Variants in GGA3 observed in about 807,000 individuals in gnomAD.
The protein encoded by GGA3 is ADP-ribosylation factor-binding protein GGA3.
GGA3 carries 57 observed loss-of-function variants against 77.5 expected under a neutral mutation model. The observed-to-expected ratio is 0.74, with a 90% CI of 0.59 to 0.92. GGA3 has a LOEUF of 0.92. GGA3 is among the 40% of genes least tolerant of loss of function. The pLI is 0.00. For missense variants in GGA3, 970 were observed against 914.9 expected, an observed-to-expected ratio of 1.06 and a Z score of -0.78; for synonymous variants, 416 against 383.7, an observed-to-expected ratio of 1.08 and a Z score of -0.98.
intron 1 of GGA3, among the ~76,000 whole-genome samples, chr17:75,253,768 C>T (rs2077051541): frequency 6.6e-6 from 1 of 152,150 alleles, no homozygotes; most frequent in Non-Finnish European, 1.5e-5. Flanking sequence ...CCCTTCCCTC[C>T]GTGTCTCTAC....
At chr17:75,238,539 G>A in intron 16 of GGA3, 113 bp downstream of exon 16, 1 of 975,340 alleles carries the variant, frequency 1.0e-6, no homozygotes, top group African/African-American at 1.6e-5. Context: ...GCAGCAAAGG[G>A]ATGTGTCAAT....
rs984930679 is a variant in GGA3 at position 75,240,097 on chromosome 17, G to A, written c.1275C>T (p.Ser425=). Residue 425 remains serine, a synonymous_variant, in exon 13 of 17, where the codon TCC becomes TCT. Coordinates refer to ENST00000537686, the MANE Select transcript of GGA3 (RefSeq NM_138619.4). ...GCCTGGGGCTGAAGAAGTCCAGGTC[G>A]GACTGTTCCCTCTATGAACAACAGA... ...SQWHLLQREQ[S]DLDFFSPRPG... 9.1e-6 allele frequency: 14 copies of A among 1,546,952 alleles called. No individual in the cohort carries two copies. Among genetic ancestry groups the A allele is most frequent in the African/African-American group, 5.5e-5 (4 of 73,004 alleles).
intron 1 of GGA3, 71 bp from the exon 2 acceptor site, chr17:75,246,867 C>T: frequency 8.3e-7 from 1 of 1,208,146 alleles, no homozygotes; most frequent in Non-Finnish European, 1.2e-6. Context: ...GTTTTCTTCG[C>T]AAGTTTTAAG....
At chr17:75,251,621 G>A (rs1460807797) in intron 1 of GGA3, among the ~76,000 whole-genome samples, 6 of 140,718 alleles carry the variant, frequency 4.3e-5, no homozygotes, top group African/African-American at 1.3e-4. Flanking sequence ...CAGGAGAATC[G>A]CTTTAACCCA....
chr17:75,240,592 G>A (rs1260882911), intron 11 of GGA3, 180 bp from the exon 12 acceptor site: 1 of 657,640 alleles, frequency 1.5e-6, no homozygotes, highest in African/African-American at 1.8e-5. Context: ...TGCAGAAGCG[G>A]GGGGCCTGTG....
chr17:75,237,688 A>T lies in GGA3; in HGVS notation c.*591T>A. 6.8e-7 allele frequency: 1 copy of T among 1,463,952 alleles called. No individual in the cohort carries two copies. The highest frequency in any genetic ancestry group is 9.0e-7 in the Non-Finnish European group (1 of 1,108,810). 90.7% of individuals were successfully genotyped at this position (1,463,952 alleles called of 1,614,324 possible). On this transcript the variant is annotated 3_prime_UTR_variant, in exon 17 of 17. Coordinates refer to ENST00000537686, the MANE Select transcript of GGA3 (RefSeq NM_138619.4). Reference sequence around the variant, plus strand: ...CAACTCATCACTCCGTGGCCATTCCAGGACGATGCTGTCCACCAGAGGCAG... The same window carrying T: ...CAACTCATCACTCCGTGGCCATTCCTGGACGATGCTGTCCACCAGAGGCAG...
In GGA3 at chr17:75,239,433, C is replaced by T. The variant is rs535140507; in HGVS notation, c.1722G>A (p.Pro574=). 31 of 1,577,996 alleles carry T rather than the reference C, an allele frequency of 2.0e-5. No individual in the cohort carries two copies. Among genetic ancestry groups the T allele is most frequent in the Admixed American group, 8.5e-5 (4 of 47,164 alleles). The change falls in exon 14 of 17, where the codon CCG becomes CCA. Residue 574 remains proline, a synonymous_variant. Transcript: ENST00000537686. Reference sequence around the variant, plus strand: ...TGGCCAGGGAGAGCTCAGGCCCCTTCGGGGGGCTGCCCTGGGACTGGAAAC... The same window carrying T: ...TGGCCAGGGAGAGCTCAGGCCCCTTTGGGGGGCTGCCCTGGGACTGGAAAC... The part of the protein sequence containing the change: ...PLSFQSQGSP[P]KGPELSLASI...
chr17:75,243,652 GTGGCTGCTCAGCAGCTA>G, intron 4 of GGA3, 82 bp from the exon 5 acceptor site: 2 of 1,402,932 alleles, frequency 1.4e-6, no homozygotes, highest in Non-Finnish European at 2.0e-6. Flanking sequence ...CAGCAATGGC[GTGGCTGCTCAGCAGCTA>G]TGGTCCTACT....
intron 1 of GGA3, among the ~76,000 whole-genome samples, chr17:75,250,235 T>C (rs1357632170): frequency 1.3e-5 from 2 of 152,240 alleles, no homozygotes; most frequent in Admixed American, 6.5e-5. Flanking sequence ...CCTATAGACC[T>C]TGCCTTCCCG....
At chr17:75,243,346 C>A in intron 5 of GGA3, 101 bp downstream of exon 5, 1 of 1,456,936 alleles carries the variant, frequency 6.9e-7, no homozygotes, top group South Asian at 1.2e-5. Context: ...AAATGCTGTT[C>A]TCTTCAGGAG....
intron 1 of GGA3, among the ~76,000 whole-genome samples, chr17:75,252,533 T>C (rs1217398799): frequency 1.3e-5 from 2 of 152,126 alleles, no homozygotes; most frequent in Non-Finnish European, 2.9e-5. Flanking sequence ...CTTAAATCCC[T>C]TCCTTCCTTA....
In GGA3 at chr17:75,243,115, GA is replaced by G. The variant is rs2076628393; in HGVS notation, c.475del (p.Ser159LeufsTer20). The G allele has an allele frequency of 6.2e-7, 1 of 1,613,422 alleles. No individual in the cohort carries two copies. Among genetic ancestry groups the G allele is most frequent in the African/African-American group, 1.3e-5 (1 of 74,882 alleles). On this transcript the variant is annotated frameshift_variant, in exon 6 of 17. Transcript: ENST00000537686. LOFTEE classifies it high-confidence loss of function. ...PIPVDRTLIP[S>X]PPPRPKNPVF... ...AGGGTTTTTGGGACGAGGTGGTGGA[GA>G]GGGGATCAGCGTCCTATCCACAGGA...
At chr17:75,242,793 T>G in intron 7 of GGA3, 38 bp downstream of exon 7, 1 of 1,509,982 alleles carries the variant, frequency 6.6e-7, no homozygotes, top group Non-Finnish European at 9.2e-7. Flanking sequence ...GGCCATGGGC[T>G]CCTCCACCCC....
chr17:75,241,001 TC>T lies in GGA3; in HGVS notation c.1002del (p.Thr335ProfsTer189). 1.2e-6 allele frequency: 2 copies of T among 1,613,940 alleles called. No individual in the cohort carries two copies. The highest frequency in any genetic ancestry group is 1.7e-6 in the Non-Finnish European group (2 of 1,179,902). ...GTLIDLAELD[T>X]TNSLSSVLAP... ...GCCAACACGGAGGACAAACTGTTGG[TC>T]GTGTCCAGCTCCGCAAGGTCGATGA... is the stretch of plus-strand genomic sequence containing the variant. On this transcript the variant is annotated frameshift_variant, in exon 11 of 17. Coordinates refer to ENST00000537686, the MANE Select transcript of GGA3 (RefSeq NM_138619.4). LOFTEE classifies it high-confidence loss of function.
At chr17:75,240,727 G>A in intron 11 of GGA3, 85 bp downstream of exon 11, 1 of 1,438,126 alleles carries the variant, frequency 7.0e-7, no homozygotes, top group Non-Finnish European at 9.2e-7. Flanking sequence ...TCACACTGGG[G>A]CCCCGCTCAG....
At chr17:75,240,694 G>A (rs1186363566) in intron 11 of GGA3, 118 bp downstream of exon 11, 1 of 1,171,250 alleles carries the variant, frequency 8.5e-7, no homozygotes, top group Admixed American at 2.7e-5. Flanking sequence ...CTCCAACTCA[G>A]GGTTCTTTGC....
chr17:75,261,303 A>G (rs2077363033), intron 1 of GGA3, among the ~76,000 whole-genome samples: 1 of 152,220 alleles, frequency 6.6e-6, no homozygotes, highest in African/African-American at 2.4e-5. Context: ...GCCCGACAGG[A>G]GCCCGAGTTC....
At chr17:75,242,978 G>T (rs2076620424) in intron 6 of GGA3, 67 bp from the exon 7 acceptor site, 2 of 1,480,470 alleles carry the variant, frequency 1.4e-6, no homozygotes, top group Middle Eastern at 1.7e-4. Context: ...AACCCCAGAG[G>T]CTCCCCGCAG....
Position 75,237,529 on chromosome 17 carries a change from G to A in GGA3, c.*750C>T, listed in dbSNP as rs915691653. 3 of 1,535,664 alleles carry A rather than the reference G, an allele frequency of 2.0e-6. No individual in the cohort carries two copies. The highest frequency in any genetic ancestry group is 2.7e-5 in the African/African-American group (2 of 73,036). On this transcript the variant is annotated 3_prime_UTR_variant, in exon 17 of 17. Transcript: ENST00000537686. ...GCTTTTCCCAGAAAGCTGAGTACCTGCTTCTGGAGAAGGGGAAATACTGGC... is the reference window on the plus strand; with the variant it reads ...GCTTTTCCCAGAAAGCTGAGTACCTACTTCTGGAGAAGGGGAAATACTGGC...
Sources: allele counts gnomAD v4.1 joint callset (sites outside exome capture counted in the v4.1 genomes callset), GRCh38; gene constraint gnomAD v4.1.1; transcripts MANE v1.5; gene names NCBI Gene and HGNC (gene_info 2026-07-23, HGNC 2026-07-21).